Variants in MEGF11 observed in about 807,000 individuals in gnomAD.
MEGF11 encodes multiple epidermal growth factor-like domains protein 11.
A neutral mutation model predicts 146.6 loss-of-function variants in MEGF11; 126 were observed. The observed-to-expected ratio is 0.86, with a 90% CI of 0.74 to 1.00. The LOEUF is 1.00. Ranked by LOEUF, MEGF11 falls within the 50% of genes least tolerant of loss-of-function variation. The pLI, the probability that MEGF11 is intolerant of heterozygous loss-of-function variation, is 0.00. For synonymous variants in MEGF11, 532 were observed against 583.4 expected (o/e 0.91, Z 1.27); for missense variants, 1,509 against 1,521.2 (o/e 0.99, Z 0.13).
At chr15:65,979,740 G>A (rs2081569058) in intron 7 of MEGF11, among the ~76,000 whole-genome samples, 2 of 152,224 alleles carry the variant, frequency 1.3e-5, no homozygotes, top group African/African-American at 2.4e-5. Flanking sequence ...GGGCTTCAGA[G>A]TTTGCAAAAG....
At chr15:66,167,126 A>T (rs1317381032) in intron 1 of MEGF11, among the ~76,000 whole-genome samples, 1 of 152,096 alleles carries the variant, frequency 6.6e-6, no homozygotes, top group Admixed American at 6.5e-5. Flanking sequence ...CAGAGCCACC[A>T]TGGAGCTGGG....
At chr15:66,052,418 TTA>T (rs1195614665) in intron 5 of MEGF11, among the ~76,000 whole-genome samples, 1 of 152,174 alleles carries the variant, frequency 6.6e-6, no homozygotes, top group Non-Finnish European at 1.5e-5. Context: ...TCTGTTTGTT[TTA>T]TGACTTGAAA....
intron 5 of MEGF11, among the ~76,000 whole-genome samples, chr15:66,053,715 A>ATTT (rs71447880): frequency 3.1e-5 from 1 of 32,080 alleles, no homozygotes; most frequent in African/African-American, 1.2e-4. Context: ...CCTGGCACCA[A>ATTT]TTTTTTTTTT....
chr15:65,978,581 G>A lies in MEGF11; in HGVS notation c.762+2197C>T, dbSNP rs2081528534. ...CCCGAGCCTCAGCAGTGTCTCCAGA[G>A]AGGCCTTTACAGGCAAAGGGATGCT... On this transcript the variant is annotated intron_variant, in intron 7 of 25. Transcript: ENST00000395614. 2.6e-5 allele frequency among the ~76,000 whole-genome samples: 4 copies of A among 152,186 alleles called. No individual in the cohort carries two copies. In the South Asian group the frequency reaches 8.3e-4, roughly 32 times the overall value.
intron 10 of MEGF11, among the ~76,000 whole-genome samples, chr15:65,934,307 A>G (rs1350705080): frequency 6.6e-6 from 1 of 152,188 alleles, no homozygotes; most frequent in Non-Finnish European, 1.5e-5. Context: ...GCTGGAGTGC[A>G]GTGGCACGAT....
intron 1 of MEGF11, among the ~76,000 whole-genome samples, chr15:66,244,205 C>T (rs2092260956): frequency 6.6e-6 from 1 of 152,142 alleles, no homozygotes; most frequent in African/African-American, 2.4e-5. Context: ...CCGCAGTAAA[C>T]ATCGCCCACT....
intron 1 of MEGF11, among the ~76,000 whole-genome samples, chr15:66,215,354 G>A (rs2091558524): frequency 6.6e-6 from 1 of 152,116 alleles, no homozygotes; most frequent in Admixed American, 6.5e-5. Flanking sequence ...GGGACCACCT[G>A]AGCCCTGGGA....
chr15:66,106,437 C>T (rs777532279), intron 4 of MEGF11, among the ~76,000 whole-genome samples: 5 of 152,130 alleles, frequency 3.3e-5, no homozygotes, highest in Non-Finnish European at 5.9e-5. Flanking sequence ...ATAATAAACG[C>T]CATCACTTCC....
chr15:66,007,711 C>T (rs535369776), intron 5 of MEGF11, among the ~76,000 whole-genome samples: 90 of 152,252 alleles, frequency 5.9e-4, no homozygotes, highest in Non-Finnish European at 1.1e-3. Flanking sequence ...GAGATTGTGC[C>T]ACTGCACTCC....
intron 5 of MEGF11, among the ~76,000 whole-genome samples, chr15:66,071,904 C>T (rs528720628): frequency 1.3e-5 from 2 of 152,188 alleles, no homozygotes; most frequent in Non-Finnish European, 2.9e-5. Flanking sequence ...ACGTGCCCAC[C>T]CAGCATCAGC....
intron 4 of MEGF11, 139 bp from the exon 5 acceptor site, chr15:66,094,633 A>G (rs59704097): frequency 0.07 from 46,161 of 657,628 alleles, 2,259 homozygotes; most frequent in East Asian, 0.15. Context: ...TTGGGGGGGA[A>G]AATCAAGCTA....
intron 10 of MEGF11, among the ~76,000 whole-genome samples, chr15:65,934,533 G>C (rs1309561519): frequency 6.6e-6 from 1 of 152,226 alleles, no homozygotes; most frequent in Non-Finnish European, 1.5e-5. Flanking sequence ...TTACAGGTGT[G>C]AGCCACTGCA....
At chr15:66,073,426 C>T (rs1398475792) in intron 5 of MEGF11, among the ~76,000 whole-genome samples, 1 of 152,180 alleles carries the variant, frequency 6.6e-6, no homozygotes, top group Non-Finnish European at 1.5e-5. Context: ...TGAATTAGAC[C>T]CACCTCTTCA....
chr15:66,082,793 T>G (rs1204245013), intron 5 of MEGF11, among the ~76,000 whole-genome samples: 4 of 151,982 alleles, frequency 2.6e-5, no homozygotes, highest in African/African-American at 7.3e-5. Context: ...TCATGCTTCT[T>G]TCTTCCCGCC....
intron 1 of MEGF11, among the ~76,000 whole-genome samples, chr15:66,187,247 G>A (rs1597141669): frequency 1.3e-5 from 2 of 152,232 alleles, no homozygotes; most frequent in Non-Finnish European, 2.9e-5. Context: ...CTAGGAACAC[G>A]CCTGGCCAAG....
At chr15:66,073,082 C>T (rs1168007554) in intron 5 of MEGF11, among the ~76,000 whole-genome samples, 2 of 152,188 alleles carry the variant, frequency 1.3e-5, no homozygotes, top group African/African-American at 4.8e-5. Flanking sequence ...GGCTGGCCTC[C>T]TAGCAAGACA....
rs184702870 is a variant in MEGF11, at chr15:65,971,021, T to C, written c.763-332A>G. 14 of 340,956 alleles carry C rather than the reference T, an allele frequency of 4.1e-5. No individual in the cohort carries two copies. The East Asian group carries it at 9.0e-4, about 22-fold the overall frequency. The allele number at this position is 340,956 out of a possible 1,614,324, so 21.1% of individuals were successfully genotyped here. On this transcript the variant is annotated intron_variant, in intron 7 of 25. Transcript: ENST00000395614. ...CCGCTAAGTACAAGGCAGTAAGTAC[T>C]CTCACATGGGTACACAGTAAAGTGC...
intron 7 of MEGF11, 88 bp from the exon 8 acceptor site, chr15:65,970,777 A>T: frequency 6.9e-7 from 1 of 1,444,306 alleles, no homozygotes. Flanking sequence ...GGCTCCAGGG[A>T]CCACCCAACT....
intron 10 of MEGF11, among the ~76,000 whole-genome samples, chr15:65,947,488 G>T (rs2080242118): frequency 1.3e-5 from 2 of 152,154 alleles, no homozygotes; most frequent in African/African-American, 2.4e-5. Context: ...AGTGCAAAGT[G>T]GGGATGCTAC....
Sources: allele counts gnomAD v4.1 joint callset (sites outside exome capture counted in the v4.1 genomes callset), GRCh38; gene constraint gnomAD v4.1.1; transcripts MANE v1.5; gene names NCBI Gene and HGNC (gene_info 2026-07-23, HGNC 2026-07-21).